SUCLG2: variants seen among roughly 807,000 people sequenced by gnomAD.
SUCLG2 encodes succinate--CoA ligase [GDP-forming] subunit beta, mitochondrial.
SUCLG2 carries 42 observed loss-of-function variants against 47.9 expected under a neutral mutation model. The observed-to-expected ratio is 0.88, with a 90% confidence interval of 0.69 to 1.14. The LOEUF (loss-of-function observed/expected upper bound fraction) is 1.14. SUCLG2 is among the 50% of genes most tolerant of loss of function. SUCLG2 has a pLI of 0.00. For synonymous variants in SUCLG2, 195 were observed against 197.3 expected (o/e 0.99, Z 0.10); for missense variants, 571 against 525.9 (o/e 1.09, Z -0.84).
intron 10 of SUCLG2, among the ~76,000 whole-genome samples, chr3:67,362,526 T>A (rs1207753880): frequency 6.6e-6 from 1 of 152,162 alleles, no homozygotes; most frequent in Non-Finnish European, 1.5e-5. Context: ...TTTTTGTGTG[T>A]GTGTGATAGT....
Position 67,375,666 on chromosome 3 carries a change from C to A in SUCLG2, c.*78G>T, listed in dbSNP as rs1702020208. The A allele has an allele frequency of 1.4e-5, 21 of 1,496,236 alleles. No homozygotes were observed. In the South Asian group the frequency reaches 2.6e-4, roughly 19 times the overall value. 92.7% of individuals were successfully genotyped at this position (1,496,236 alleles called of 1,614,324 possible). ...CCCCTTTTCTTCCCCAATGAGATAA[C>A]CATTTCTTTCACAATGATGAACCAT... On this transcript the variant is annotated 3_prime_UTR_variant, in exon 11 of 11. Coordinates refer to ENST00000307227, the MANE Select transcript of SUCLG2 (RefSeq NM_003848.4).
At chr3:67,412,700 G>C (rs1182511064) in intron 9 of SUCLG2, among the ~76,000 whole-genome samples, 1 of 152,180 alleles carries the variant, frequency 6.6e-6, no homozygotes, top group Non-Finnish European at 1.5e-5. Context: ...TTCTGGTCAA[G>C]TAGTCACCTC....
At chr3:67,480,795 T>G (rs1704892708) in intron 9 of SUCLG2, among the ~76,000 whole-genome samples, 4 of 152,286 alleles carry the variant, frequency 2.6e-5, no homozygotes, top group Admixed American at 2.6e-4. Context: ...GGCGAAAGCT[T>G]ACTCTGTGAG....
At chr3:67,564,052 G>A (rs1227536987) in intron 2 of SUCLG2, among the ~76,000 whole-genome samples, 5 of 151,682 alleles carry the variant, frequency 3.3e-5, no homozygotes, top group Non-Finnish European at 2.9e-5. Context: ...ATCTGTGAAA[G>A]AATAGAGGGA....
At chr3:67,521,866 G>A (rs1362969146) in intron 4 of SUCLG2, among the ~76,000 whole-genome samples, 1 of 151,834 alleles carries the variant, frequency 6.6e-6, no homozygotes, top group Non-Finnish European at 1.5e-5. Flanking sequence ...GTATCTACCT[G>A]CCTCAGCCTA....
intron 2 of SUCLG2, among the ~76,000 whole-genome samples, chr3:67,530,612 G>A (rs1423267158): frequency 6.6e-6 from 1 of 152,230 alleles, no homozygotes; most frequent in East Asian, 1.9e-4. Flanking sequence ...TCAGCCAGCT[G>A]ATGTCACACC....
chr3:67,590,545 T>C (rs574933396), intron 2 of SUCLG2, among the ~76,000 whole-genome samples: 32 of 152,224 alleles, frequency 2.1e-4, no homozygotes, highest in African/African-American at 7.2e-4. Flanking sequence ...TAAAAGACTA[T>C]GGCACCTCCC....
intron 10 of SUCLG2, among the ~76,000 whole-genome samples, chr3:67,394,849 G>T (rs1367091733): frequency 6.6e-6 from 1 of 152,034 alleles, no homozygotes; most frequent in Non-Finnish European, 1.5e-5. Context: ...CAAGCCAGAA[G>T]AGAGTGGGGG....
At chr3:67,597,807 G>C (rs146760529) in intron 2 of SUCLG2, among the ~76,000 whole-genome samples, 2 of 151,572 alleles carry the variant, frequency 1.3e-5, no homozygotes, top group Admixed American at 6.6e-5. Flanking sequence ...GCACGGTGGC[G>C]GGTGCCTGTA....
chr3:67,505,650 A>G (rs1184463723), intron 7 of SUCLG2, among the ~76,000 whole-genome samples: 1 of 152,138 alleles, frequency 6.6e-6, no homozygotes, highest in Non-Finnish European at 1.5e-5. Context: ...TGGAAGGTCA[A>G]AAAAAGTTTC....
At position 67,530,957 on chromosome 3, in the gene SUCLG2, C is replaced by A. The variant is rs78037119; in HGVS notation, c.227-1771G>T. ...TAAGAGCAAGGATATTGGAGTTAAA[C>A]AGACCTGGTTAAAATCTCCAACTCT... On this transcript the variant is annotated intron_variant, in intron 2 of 10. Coordinates refer to ENST00000307227, the MANE Select transcript of SUCLG2 (RefSeq NM_003848.4). Among the ~76,000 whole-genome samples, 971 of 152,294 alleles carry A rather than the reference C, an allele frequency of 6.4e-3. 7 individuals are homozygous for A. Among genetic ancestry groups the A allele is most frequent in the Middle Eastern group, 0.021 (6 of 292 alleles).
At chr3:67,388,931 T>C (rs1441479216) in intron 10 of SUCLG2, among the ~76,000 whole-genome samples, 2 of 152,054 alleles carry the variant, frequency 1.3e-5, no homozygotes, top group African/African-American at 2.4e-5. Context: ...AAGTCAGTCA[T>C]CAAGTAAGTC....
chr3:67,604,997 G>A (rs1575810648), intron 2 of SUCLG2, among the ~76,000 whole-genome samples: 1 of 152,062 alleles, frequency 6.6e-6, no homozygotes, highest in East Asian at 1.9e-4. Flanking sequence ...CGATGTCTCT[G>A]GTCTCTCTGT....
intron 9 of SUCLG2, among the ~76,000 whole-genome samples, chr3:67,483,207 C>T (rs573938285): frequency 2.0e-5 from 3 of 151,962 alleles, no homozygotes; most frequent in Admixed American, 2.0e-4. Flanking sequence ...GGTAAAGTTG[C>T]TGCGTAAACT....
intron 2 of SUCLG2, among the ~76,000 whole-genome samples, chr3:67,530,298 T>A (rs893032539): frequency 6.6e-6 from 1 of 152,218 alleles, no homozygotes; most frequent in East Asian, 1.9e-4. Flanking sequence ...AAAAATTAAA[T>A]GAACACACAT....
intron 1 of SUCLG2, among the ~76,000 whole-genome samples, chr3:67,626,081 G>A (rs1276988439): frequency 2.0e-5 from 3 of 151,174 alleles, no homozygotes; most frequent in East Asian, 3.9e-4. Flanking sequence ...GTGCAGTGGC[G>A]CCATCTCAGC....
At chr3:67,441,279 G>A (rs904714346) in intron 9 of SUCLG2, among the ~76,000 whole-genome samples, 3 of 152,032 alleles carry the variant, frequency 2.0e-5, no homozygotes, top group Admixed American at 6.5e-5. Context: ...TAATGTAGAT[G>A]ACAGGTTGAT....
chr3:67,579,055 C>G (rs1346417593), intron 2 of SUCLG2, among the ~76,000 whole-genome samples: 1 of 152,046 alleles, frequency 6.6e-6, no homozygotes, highest in Non-Finnish European at 1.5e-5. Context: ...ATCTTGCAAC[C>G]CTAAAATTTC....
chr3:67,498,631 T>C (rs1207347493), intron 7 of SUCLG2, among the ~76,000 whole-genome samples: 1 of 152,182 alleles, frequency 6.6e-6, no homozygotes, highest in African/African-American at 2.4e-5. Flanking sequence ...TTATTATATA[T>C]TTTTAGTATT....
Sources: allele counts gnomAD v4.1 joint callset (sites outside exome capture counted in the v4.1 genomes callset), GRCh38; gene constraint gnomAD v4.1.1; transcripts MANE v1.5; gene names NCBI Gene and HGNC (gene_info 2026-07-23, HGNC 2026-07-21).